The following LRP1B variants were observed in gnomAD, a reference collection of about 807,000 sequenced individuals.
LRP1B encodes the protein low-density lipoprotein receptor-related protein 1B.
LRP1B carries 217 observed loss-of-function variants against 556.6 expected under a neutral mutation model. The observed-to-expected ratio is 0.39, with a 90% CI of 0.35 to 0.44. LRP1B has a LOEUF of 0.44. LRP1B is among the 20% of genes least tolerant of loss of function. The pLI, the probability that LRP1B is intolerant of heterozygous loss-of-function variation, is 1.00. For synonymous variants in LRP1B, 2,047 were observed against 1,865.8 expected (o/e 1.10, Z -2.50); for missense variants, 5,053 against 5,620.8 (o/e 0.90, Z 3.23).
intron 1 of LRP1B, among the ~76,000 whole-genome samples, chr2:141,853,044 T>G (rs956427116): frequency 7.3e-5 from 11 of 151,692 alleles, no homozygotes; most frequent in African/African-American, 2.7e-4. Flanking sequence ...CCCATGGAAA[T>G]TACATGCATA....
At chr2:140,788,333 A>G (rs1689981469) in intron 32 of LRP1B, among the ~76,000 whole-genome samples, 1 of 152,232 alleles carries the variant, frequency 6.6e-6, no homozygotes, top group Non-Finnish European at 1.5e-5. Context: ...GTGTGGAATT[A>G]TTTATCAGTA....
intron 4 of LRP1B, among the ~76,000 whole-genome samples, chr2:141,253,658 A>AG (rs1684352377): frequency 6.6e-6 from 1 of 152,094 alleles, no homozygotes; most frequent in Non-Finnish European, 1.5e-5. Context: ...TAAGATTCTA[A>AG]GGTAAAAGTG....
At chr2:140,670,825 A>C (rs1685454211) in intron 41 of LRP1B, among the ~76,000 whole-genome samples, 1 of 152,226 alleles carries the variant, frequency 6.6e-6, no homozygotes, top group Non-Finnish European at 1.5e-5. Context: ...AAGGGGATCG[A>C]AAATGGCAGT....
chr2:142,041,603 T>C (rs1704069212), intron 1 of LRP1B, among the ~76,000 whole-genome samples: 1 of 151,500 alleles, frequency 6.6e-6, no homozygotes, highest in Non-Finnish European at 1.5e-5. Flanking sequence ...AAGAAGTTAT[T>C]TTTCAAGCAC....
At chr2:140,603,236 C>T (rs150865827) in intron 41 of LRP1B, among the ~76,000 whole-genome samples, 30 of 151,858 alleles carry the variant, frequency 2.0e-4, no homozygotes, top group African/African-American at 3.4e-4. Context: ...CTAGAGATGA[C>T]GGAAGAAAAA....
intron 60 of LRP1B, among the ~76,000 whole-genome samples, chr2:140,458,620 G>T (rs970454546): frequency 1.3e-5 from 2 of 151,840 alleles, no homozygotes; most frequent in African/African-American, 2.4e-5. Context: ...AATGAGAAAA[G>T]GTACTATATT....
chr2:141,829,532 C>A (rs182866236), intron 1 of LRP1B, among the ~76,000 whole-genome samples: 146 of 152,144 alleles, frequency 9.6e-4, no homozygotes, highest in African/African-American at 3.3e-3. Context: ...TTTTTCTTAG[C>A]ATGCTGATAT....
chr2:140,249,740 T>G (rs1387579288), intron 86 of LRP1B, among the ~76,000 whole-genome samples: 1 of 151,828 alleles, frequency 6.6e-6, no homozygotes, highest in African/African-American at 2.4e-5. Context: ...TATTCTTGTT[T>G]GCCTACCTTA....
chr2:141,677,344 A>T (rs164975), intron 2 of LRP1B, among the ~76,000 whole-genome samples: 1 of 151,872 alleles, frequency 6.6e-6, no homozygotes. Flanking sequence ...ATGTTAAACC[A>T]TATTGTGCAA....
chr2:142,072,842 A>AG (rs1230720881), intron 1 of LRP1B, among the ~76,000 whole-genome samples: 1 of 152,056 alleles, frequency 6.6e-6, no homozygotes, highest in African/African-American at 2.4e-5. Flanking sequence ...ATTGAATAGA[A>AG]GTTTGATGCA....
At chr2:141,585,885 C>CTTT (rs11459511) in intron 2 of LRP1B, among the ~76,000 whole-genome samples, 1,764 of 144,242 alleles carry the variant, frequency 0.012, 44 homozygotes, top group African/African-American at 0.04. Context: ...TACAGGTGCA[C>CTTT]TTTTTTTTTT....
At chr2:141,277,310 A>G (rs1024805890) in intron 3 of LRP1B, among the ~76,000 whole-genome samples, 2 of 152,254 alleles carry the variant, frequency 1.3e-5, no homozygotes, top group South Asian at 4.1e-4. Flanking sequence ...TGTTATTTTT[A>G]GGCTTTTTAA....
intron 1 of LRP1B, among the ~76,000 whole-genome samples, chr2:141,886,430 A>G (rs1035826815): frequency 6.6e-6 from 1 of 152,202 alleles, no homozygotes; most frequent in African/African-American, 2.4e-5. Flanking sequence ...AAAGAAATCC[A>G]TCTCTTGTAG....
intron 37 of LRP1B, among the ~76,000 whole-genome samples, chr2:140,707,302 G>T (rs1471495843): frequency 3.3e-5 from 5 of 152,118 alleles, no homozygotes; most frequent in African/African-American, 1.2e-4. Flanking sequence ...ATTCTCTTAT[G>T]TCGGCAGTTG....
intron 66 of LRP1B, among the ~76,000 whole-genome samples, chr2:140,401,914 T>C (rs1684520365): frequency 6.6e-6 from 1 of 152,176 alleles, no homozygotes; most frequent in South Asian, 2.1e-4. Flanking sequence ...ATAATCAGAA[T>C]TTGAGAAAGA....
At chr2:141,405,108 A>G (rs1190560467) in intron 3 of LRP1B, among the ~76,000 whole-genome samples, 1 of 152,156 alleles carries the variant, frequency 6.6e-6, no homozygotes, top group African/African-American at 2.4e-5. Flanking sequence ...AAACAAAACA[A>G]AAACAAAAAC....
At chr2:141,909,849 A>G (rs1027287242) in intron 1 of LRP1B, among the ~76,000 whole-genome samples, 1 of 152,074 alleles carries the variant, frequency 6.6e-6, no homozygotes, top group African/African-American at 2.4e-5. Context: ...GAAGTCATTT[A>G]TAACAATCTA....
intron 66 of LRP1B, among the ~76,000 whole-genome samples, chr2:140,434,306 G>A (rs757673999): frequency 2.0e-5 from 3 of 151,956 alleles, no homozygotes; most frequent in South Asian, 2.1e-4. Flanking sequence ...CTGACCTCAG[G>A]TGATCCATCC....
At chr2:140,540,480 C>A (rs528148051) in intron 45 of LRP1B, among the ~76,000 whole-genome samples, 2 of 152,032 alleles carry the variant, frequency 1.3e-5, no homozygotes, top group South Asian at 4.1e-4. Context: ...AAACACCATG[C>A]AAGGCTGCAA....
Sources: allele counts gnomAD v4.1 joint callset (sites outside exome capture counted in the v4.1 genomes callset), GRCh38; gene constraint gnomAD v4.1.1; transcripts MANE v1.5; gene names NCBI Gene and HGNC (gene_info 2026-07-23, HGNC 2026-07-21).